The following KIAA1671 variants were observed in gnomAD, a reference collection of about 807,000 sequenced individuals.
KIAA1671 encodes the protein KIAA1671, also known as uncharacterized protein KIAA1671.
KIAA1671 carries 52 observed loss-of-function variants against 131.2 expected under a neutral mutation model. The ratio of observed to expected loss-of-function variants is 0.40; its 90% CI spans 0.32 to 0.50. The LOEUF is 0.50. KIAA1671 is among the 20% of genes least tolerant of loss of function. The probability of loss-of-function intolerance (pLI) is 0.73; values close to 1 mark genes in which losing one functional copy is unlikely to be tolerated. For synonymous variants in KIAA1671, 1,003 were observed against 961.6 expected (o/e 1.04, Z -0.80); for missense variants, 2,360 against 2,364.2 (o/e 1.00, Z 0.04).
intron 6 of KIAA1671, among the ~76,000 whole-genome samples, chr22:25,072,722 G>A (rs1341666281): frequency 1.3e-5 from 2 of 152,140 alleles, no homozygotes; most frequent in African/African-American, 4.8e-5. Flanking sequence ...GCGAGGCCCC[G>A]CTGCCTTCCT....
At chr22:25,002,608 A>G (rs1188282736) in intron 1 of KIAA1671, among the ~76,000 whole-genome samples, 1 of 152,174 alleles carries the variant, frequency 6.6e-6, no homozygotes, top group Non-Finnish European at 1.5e-5. Context: ...TTCTGCATCT[A>G]GAGGTGAAAA....
At chr22:25,172,221 G>A (rs1372337802) in intron 7 of KIAA1671, among the ~76,000 whole-genome samples, 2 of 152,074 alleles carry the variant, frequency 1.3e-5, no homozygotes, top group African/African-American at 4.8e-5. Context: ...TTCCTCTCTC[G>A]GGGTCTCCAT....
intron 1 of KIAA1671, among the ~76,000 whole-genome samples, chr22:24,966,321 C>T (rs1367727510): frequency 6.6e-6 from 1 of 152,204 alleles, no homozygotes; most frequent in Non-Finnish European, 1.5e-5. Flanking sequence ...TAGGGCCTCC[C>T]TGCAGAAGGG....
intron 6 of KIAA1671, among the ~76,000 whole-genome samples, chr22:25,142,785 C>T (rs1932825517): frequency 6.6e-6 from 1 of 152,220 alleles, no homozygotes; most frequent in African/African-American, 2.4e-5. Context: ...AGGAGAATTA[C>T]TTGAACCCGG....
intron 6 of KIAA1671, among the ~76,000 whole-genome samples, chr22:25,169,457 T>C (rs1217321664): frequency 6.8e-6 from 1 of 147,918 alleles, no homozygotes; most frequent in African/African-American, 2.5e-5. Context: ...GAGAGCGTCA[T>C]TCAAAGCTTC....
At chr22:25,003,308 C>G (rs1469783911) in intron 1 of KIAA1671, among the ~76,000 whole-genome samples, 1 of 150,426 alleles carries the variant, frequency 6.6e-6, no homozygotes, top group East Asian at 1.9e-4. Flanking sequence ...CATCCAAACA[C>G]AAATACTTAT....
At chr22:25,183,488 CTCCTTCCT>C (rs36170262) in intron 10 of KIAA1671, among the ~76,000 whole-genome samples, 15 of 124,900 alleles carry the variant, frequency 1.2e-4, no homozygotes, top group African/African-American at 3.8e-4. Context: ...CTTTCTCTTT[CTCCTTCCT>C]TCCTTCCTTC....
At chr22:24,960,848 T>G (rs1803143520) in intron 1 of KIAA1671, among the ~76,000 whole-genome samples, 1 of 152,002 alleles carries the variant, frequency 6.6e-6, no homozygotes, top group Non-Finnish European at 1.5e-5. Flanking sequence ...TTCACACTCT[T>G]ACCACAGCTG....
At chr22:25,135,064 A>T (rs1047510373) in intron 6 of KIAA1671, among the ~76,000 whole-genome samples, 1 of 152,134 alleles carries the variant, frequency 6.6e-6, no homozygotes, top group Admixed American at 6.5e-5. Context: ...ACAGTAAGGC[A>T]TTTGTTTGTG....
At chr22:25,144,010 A>G (rs1005025621) in intron 6 of KIAA1671, among the ~76,000 whole-genome samples, 4 of 152,112 alleles carry the variant, frequency 2.6e-5, no homozygotes, top group Admixed American at 6.5e-5. Flanking sequence ...ATCTGTATAA[A>G]AAAAAAAATG....
intron 6 of KIAA1671, among the ~76,000 whole-genome samples, chr22:25,133,738 G>C (rs1315173883): frequency 1.3e-5 from 2 of 152,112 alleles, no homozygotes; most frequent in Admixed American, 1.3e-4. Flanking sequence ...TGTAGAGATG[G>C]GGTCTTGCTA....
chr22:24,952,832 G>T lies in KIAA1671; in HGVS notation c.-208+60G>T. ...GGCTGGCCGCCTCCTGTCCCCGGCC[G>T]ACGAGGTAGCTGGGGGTGACGGCGG... is the stretch of plus-strand genomic sequence containing the variant. On this transcript the variant is annotated intron_variant, in intron 1 of 12. Coordinates refer to ENST00000358431, the MANE Select transcript of KIAA1671 (RefSeq NM_001145206.2). The surrounding 1 kb of genome is among the most constrained non-coding windows in gnomAD (Gnocchi z 4.5). 6.6e-6 allele frequency: 1 copy of T among 152,404 alleles called. No individual in the cohort carries two copies. The highest frequency in any genetic ancestry group is 2.0e-4 in the South Asian group (1 of 5,094). The allele number at this position is 152,404 out of a possible 1,614,324, so 9.4% of individuals were successfully genotyped here. A position where few individuals can be genotyped will look rare whatever the true frequency, so the allele number is the denominator to read the frequency against.
chr22:24,983,883 A>G (rs1447292214), intron 1 of KIAA1671, among the ~76,000 whole-genome samples: 2 of 151,356 alleles, frequency 1.3e-5, no homozygotes, highest in Non-Finnish European at 2.9e-5. Flanking sequence ...GATTCAAGCA[A>G]TTCTCCTGCC....
At chr22:24,983,196 A>G (rs764432856) in intron 1 of KIAA1671, among the ~76,000 whole-genome samples, 34 of 152,092 alleles carry the variant, frequency 2.2e-4, no homozygotes, top group Non-Finnish European at 4.3e-4. Flanking sequence ...TTCTGAGTGC[A>G]CCTTAACAAA....
chr22:24,979,629 G>A (rs984153395), intron 1 of KIAA1671, among the ~76,000 whole-genome samples: 18 of 151,158 alleles, frequency 1.2e-4, no homozygotes, highest in Admixed American at 2.0e-4. Context: ...GATTACAGGC[G>A]TGAGCCACCG....
intron 6 of KIAA1671, among the ~76,000 whole-genome samples, chr22:25,160,418 G>T (rs754121203): frequency 1.3e-5 from 2 of 152,110 alleles, no homozygotes; most frequent in African/African-American, 4.8e-5. Context: ...GTCTCTCTGC[G>T]CCCGTCTCCG....
intron 6 of KIAA1671, chr22:25,058,359 T>G (rs1353304078): frequency 2.0e-5 from 3 of 152,210 alleles, no homozygotes; most frequent in Non-Finnish European, 4.4e-5. Flanking sequence ...TACATTCCTA[T>G]TAAATAAAGT....
At chr22:24,980,034 A>G (rs5996805) in intron 1 of KIAA1671, among the ~76,000 whole-genome samples, 33,018 of 147,760 alleles carry the variant, frequency 0.22, 5,694 homozygotes, top group East Asian at 0.53. Flanking sequence ...GTGCGATCTT[A>G]GCTCACTGCA....
intron 6 of KIAA1671, among the ~76,000 whole-genome samples, chr22:25,146,342 G>T (rs1036113481): frequency 2.6e-5 from 4 of 152,134 alleles, no homozygotes; most frequent in Admixed American, 6.6e-5. Context: ...AGGATAAGTC[G>T]CTCAAACAAA....
Sources: gnomAD v4.1 joint callset for allele counts (sites outside exome capture counted in the v4.1 genomes callset) on GRCh38, gnomAD v4.1.1 for gene constraint, Gnocchi (gnomAD v3.1) non-coding constraint, MANE v1.5 for transcripts, NCBI Gene and HGNC (gene_info 2026-07-23, HGNC 2026-07-21) for gene names.